UBTD1: variants seen among roughly 807,000 people sequenced by gnomAD.
UBTD1 encodes ubiquitin domain-containing protein 1.
In UBTD1, 19 loss-of-function variants were observed where a neutral mutation model predicts 21.7. That is an observed-to-expected ratio of 0.87 (90% CI 0.61 to 1.28). The LOEUF (loss-of-function observed/expected upper bound fraction) is 1.28, where lower values mean the gene tolerates loss of function less well. UBTD1 is among the 50% of genes most tolerant of loss of function. The pLI is 0.00. For synonymous variants in UBTD1, 116 were observed against 135.1 expected, an observed-to-expected ratio of 0.86 and a Z score of 0.98; for missense variants, 282 against 315.1, an observed-to-expected ratio of 0.89 and a Z score of 0.80.
At chr10:97,501,307 C>T (rs1184861110) in intron 1 of UBTD1, among the ~76,000 whole-genome samples, 1 of 152,234 alleles carries the variant, frequency 6.6e-6, no homozygotes, top group Non-Finnish European at 1.5e-5. Context: ...CTGTACTTGG[C>T]CAGGCGTGGT....
chr10:97,511,582 C>T (rs1240831366), intron 1 of UBTD1, among the ~76,000 whole-genome samples: 1 of 152,200 alleles, frequency 6.6e-6, no homozygotes, highest in Non-Finnish European at 1.5e-5. Flanking sequence ...CTCCTTCCAC[C>T]TCTTCCTACC....
At chr10:97,551,879 C>G (rs1305689933) in intron 1 of UBTD1, among the ~76,000 whole-genome samples, 1 of 151,946 alleles carries the variant, frequency 6.6e-6, no homozygotes, top group Admixed American at 6.6e-5. Context: ...GAAATATAAC[C>G]ACTGTTTACA....
intron 1 of UBTD1, among the ~76,000 whole-genome samples, chr10:97,499,645 G>C (rs1417544907): frequency 6.6e-6 from 1 of 152,168 alleles, no homozygotes; most frequent in Non-Finnish European, 1.5e-5. Flanking sequence ...GCACGGCGCG[G>C]GCAGCCAGGC....
At chr10:97,532,354 A>G (rs1278592449) in intron 1 of UBTD1, among the ~76,000 whole-genome samples, 1 of 152,190 alleles carries the variant, frequency 6.6e-6, no homozygotes. Flanking sequence ...TCTCCTCGAA[A>G]GCTCTGTTGA....
chr10:97,516,347 C>T (rs1035747641), intron 1 of UBTD1, among the ~76,000 whole-genome samples: 22 of 152,312 alleles, frequency 1.4e-4, no homozygotes, highest in Admixed American at 3.3e-4. Flanking sequence ...TCTTACATGT[C>T]GGCGTGTTCC....
chr10:97,522,103 G>A lies in UBTD1; in HGVS notation c.70+22830G>A, dbSNP rs757813872. ...CATGTCTGACAGTGATTGGAATTGA[G>A]CTCTGCAAGACATAGACAAGATCAC... On this transcript the variant is annotated intron_variant, in intron 1 of 2. Coordinates refer to ENST00000370664, the MANE Select transcript of UBTD1 (RefSeq NM_024954.5). Among the ~76,000 whole-genome samples, 7 of 152,214 alleles carry A rather than the reference G, an allele frequency of 4.6e-5. 1 individual carries two copies. Among genetic ancestry groups the A allele is most frequent in the Non-Finnish European group, 8.8e-5 (6 of 68,038 alleles).
In UBTD1 at chr10:97,515,437, G is replaced by A. The variant is rs537000603; in HGVS notation, c.70+16164G>A. ...TGTATTCCTGGAGAAGCAGAGAAGC[G>A]CAAGGGAGATCCCAGCTGTGTTAGA... is the stretch of plus-strand genomic sequence containing the variant. On this transcript the variant is annotated intron_variant, in intron 1 of 2. Coordinates refer to ENST00000370664, the MANE Select transcript of UBTD1 (RefSeq NM_024954.5). 5.3e-5 allele frequency among the ~76,000 whole-genome samples: 8 copies of A among 152,276 alleles called. No homozygotes were observed. In the East Asian group the frequency reaches 1.5e-3, roughly 29 times the overall value.
At chr10:97,541,923 A>T (rs897303838) in intron 1 of UBTD1, among the ~76,000 whole-genome samples, 1 of 151,770 alleles carries the variant, frequency 6.6e-6, no homozygotes, top group African/African-American at 2.4e-5. Flanking sequence ...TTTAGTAGAG[A>T]TGGAGTTTCA....
At chr10:97,569,157 CCTAA>C (rs753607556) in intron 2 of UBTD1, among the ~76,000 whole-genome samples, 4 of 152,216 alleles carry the variant, frequency 2.6e-5, no homozygotes, top group African/African-American at 7.2e-5. Context: ...GTTTCCCTTT[CCTAA>C]CTGTCTTGGC....
At chr10:97,525,375 A>G (rs11189259) in intron 1 of UBTD1, among the ~76,000 whole-genome samples, 41,030 of 152,122 alleles carry the variant, frequency 0.27, 6,450 homozygotes, top group East Asian at 0.54. Context: ...GGAAAATGGA[A>G]TGAAGTGCTG....
chr10:97,505,952 A>T (rs148316133), intron 1 of UBTD1, among the ~76,000 whole-genome samples: 2 of 152,230 alleles, frequency 1.3e-5, no homozygotes, highest in Admixed American at 1.3e-4. Flanking sequence ...TTGGATGGGA[A>T]TCTTTCTGAA....
chr10:97,506,093 G>T (rs1006082647), intron 1 of UBTD1, among the ~76,000 whole-genome samples: 1 of 152,122 alleles, frequency 6.6e-6, no homozygotes, highest in East Asian at 1.9e-4. Context: ...ACCACAAAAG[G>T]TTCTTTCTCT....
At chr10:97,563,370 A>G (rs2040702078) in intron 1 of UBTD1, among the ~76,000 whole-genome samples, 1 of 152,182 alleles carries the variant, frequency 6.6e-6, no homozygotes, top group Non-Finnish European at 1.5e-5. Context: ...TTTTTCAGCA[A>G]TGAGTAAATC....
At chr10:97,518,180 G>C (rs1485659723) in intron 1 of UBTD1, among the ~76,000 whole-genome samples, 1 of 152,210 alleles carries the variant, frequency 6.6e-6, no homozygotes, top group Non-Finnish European at 1.5e-5. Flanking sequence ...GATGGTGGCA[G>C]AGACTGGAAT....
chr10:97,550,442 A>T (rs1034851073), intron 1 of UBTD1, among the ~76,000 whole-genome samples: 6 of 152,070 alleles, frequency 3.9e-5, no homozygotes, highest in Non-Finnish European at 7.4e-5. Context: ...GGGGTCTGAG[A>T]TCAAGAATTG....
chr10:97,570,622 C>T lies in UBTD1; in HGVS notation c.*99C>T. 1 of 1,421,248 alleles carries T rather than the reference C, an allele frequency of 7.0e-7. No individual in the cohort carries two copies. The highest frequency in any genetic ancestry group is 9.5e-7 in the Non-Finnish European group (1 of 1,048,728). The allele number at this position is 1,421,248 out of a possible 1,614,324, so 88.0% of individuals were successfully genotyped here. On this transcript the variant is annotated 3_prime_UTR_variant, in exon 3 of 3. Coordinates refer to ENST00000370664, the MANE Select transcript of UBTD1 (RefSeq NM_024954.5). The surrounding 1 kb of genome is among the most constrained non-coding windows in gnomAD (Gnocchi z 6.6). Reference sequence around the variant, plus strand: ...TGTCATTTTCTTCAGGGGCCCTCCCCTCGGTGTGGCTGGTGGGTGAGCCGT... The same window carrying T: ...TGTCATTTTCTTCAGGGGCCCTCCCTTCGGTGTGGCTGGTGGGTGAGCCGT...
At chr10:97,504,053 A>G (rs1174374892) in intron 1 of UBTD1, among the ~76,000 whole-genome samples, 2 of 151,988 alleles carry the variant, frequency 1.3e-5, no homozygotes, top group Admixed American at 6.6e-5. Context: ...CCGCTTGCCA[A>G]GGCCCCTAAA....
intron 1 of UBTD1, among the ~76,000 whole-genome samples, chr10:97,561,530 CAG>C (rs961870578): frequency 8.5e-5 from 13 of 152,120 alleles, no homozygotes; most frequent in African/African-American, 3.1e-4. Context: ...CGGTATGTGA[CAG>C]GGGATGCATG....
intron 1 of UBTD1, among the ~76,000 whole-genome samples, chr10:97,508,290 TG>T (rs1429576452): frequency 2.6e-5 from 4 of 152,242 alleles, no homozygotes; most frequent in Admixed American, 2.6e-4. Flanking sequence ...CTCATGAGAA[TG>T]GGAAGAAGAG....
Sources: gnomAD v4.1 joint callset for allele counts (sites outside exome capture counted in the v4.1 genomes callset) on GRCh38, gnomAD v4.1.1 for gene constraint, Gnocchi (gnomAD v3.1) non-coding constraint, MANE v1.5 for transcripts, NCBI Gene and HGNC (gene_info 2026-07-23, HGNC 2026-07-21) for gene names.